The following SLC50A1 variants were observed in gnomAD, a reference collection of about 807,000 sequenced individuals.
The protein encoded by SLC50A1 is sugar transporter SWEET1.
A neutral mutation model predicts 28.9 loss-of-function variants in SLC50A1; 22 were observed. The ratio of observed to expected loss-of-function variants is 0.76; its 90% CI spans 0.54 to 1.09. The LOEUF is 1.09. SLC50A1 is among the 50% of genes least tolerant of loss of function. The pLI, the probability that SLC50A1 is intolerant of heterozygous loss-of-function variation, is 0.00. For synonymous variants in SLC50A1, 96 were observed against 110.6 expected, an observed-to-expected ratio of 0.87 and a Z score of 0.83; for missense variants, 233 against 273.4, an observed-to-expected ratio of 0.85 and a Z score of 1.04.
Position 155,135,866 on chromosome 1 carries a change from G to C in SLC50A1, c.-46G>C, listed in dbSNP as rs776289770. On this transcript the variant is annotated 5_prime_UTR_variant, in exon 1 of 6. Transcript: ENST00000368404. ...TGGGCTGCAGTAGGTCCCGGCAACC[G>C]CAGGCTCGCGGCGGGCGCTGGGCGC... 6.2e-7 allele frequency: 1 copy of C among 1,610,958 alleles called. No homozygotes were observed. The highest frequency in any genetic ancestry group is 1.3e-5 in the African/African-American group (1 of 74,882).
chr1:155,137,450 GCC>G (rs1664551420), intron 3 of SLC50A1, 109 bp from the exon 4 acceptor site: 4 of 1,331,160 alleles, frequency 3.0e-6, no homozygotes, highest in Non-Finnish European at 4.2e-6. Flanking sequence ...AGTGCTGGAG[GCC>G]TAGACAGCTT....
At chr1:155,135,767 AGTTT>A, upstream of SLC50A1, 1 of 1,550,412 alleles carries the variant, frequency 6.4e-7, no homozygotes, top group Non-Finnish European at 8.7e-7. Flanking sequence ...GCTTCGGCGC[AGTTT>A]CCGGAGGGAC....
rs1367569864 is a variant in SLC50A1 at position 155,137,556 on chromosome 1, T to G, written c.283-5T>G. 1 of 1,613,780 alleles carries G rather than the reference T, an allele frequency of 6.2e-7. No individual in the cohort carries two copies. Among genetic ancestry groups the G allele is most frequent in the Admixed American group, 1.7e-5 (1 of 59,986 alleles). On this transcript the variant is annotated splice_polypyrimidine_tract_variant and splice_region_variant and intron_variant, in intron 3 of 5. Transcript: ENST00000368404. ...CTGGAAGTAAGGGTACTCTCTCCCC[T>G]GCAGCGTGTTGTGCTCCTACAGACT...
intron 1 of SLC50A1, 59 bp downstream of exon 1, chr1:155,136,050 G>C: frequency 6.3e-7 from 1 of 1,587,940 alleles, no homozygotes; most frequent in Non-Finnish European, 8.6e-7. Flanking sequence ...GGAGAGAGAG[G>C]GGACAGAGAC....
At chr1:155,137,529 A>G in intron 3 of SLC50A1, 32 bp from the exon 4 acceptor site, 3 of 1,612,914 alleles carry the variant, frequency 1.9e-6, no homozygotes, top group Non-Finnish European at 2.5e-6. Context: ...CAGAGTGCAC[A>G]TCTGGAAGTA....
Position 155,137,609 on chromosome 1 carries a change from G to A in SLC50A1, c.331G>A (p.Gly111Ser), listed in dbSNP as rs1223862630. 1.9e-6 allele frequency: 3 copies of A among 1,614,068 alleles called. No individual in the cohort carries two copies. Among genetic ancestry groups the A allele is most frequent in the Admixed American group, 1.7e-5 (1 of 60,006 alleles). Residue 111 changes from glycine to serine, a missense_variant, in exon 4 of 6, where the codon GGT becomes AGT. Physicochemically the swap from Gly to Ser is moderately conservative, Grantham distance 56. Transcript: ENST00000368404. ...TATLLGVLLL[G>S]YGYFWLLVPN... ...AACCCTGCTAGGGGTCCTTCTCCTG[G>A]GTTATGGCTACTTTTGGCTCCTGGT...
chr1:155,135,895 A>C lies in SLC50A1; in HGVS notation c.-17A>C. 1.9e-6 allele frequency: 3 copies of C among 1,610,586 alleles called. No homozygotes were observed. Among genetic ancestry groups the C allele is most frequent in the Non-Finnish European group, 2.5e-6 (3 of 1,179,046 alleles). On this transcript the variant is annotated 5_prime_UTR_variant, in exon 1 of 6. Coordinates refer to ENST00000368404, the MANE Select transcript of SLC50A1 (RefSeq NM_018845.4). The stretch of plus-strand genomic sequence containing the variant: ...GCTCGCGGCGGGCGCTGGGCGCGGG[A>C]TCCGACTCTAGTCGTAATGGAGGCG...
intron 2 of SLC50A1, 79 bp from the exon 3 acceptor site, chr1:155,136,749 A>C (rs1437217159): frequency 1.3e-6 from 2 of 1,558,478 alleles, no homozygotes; most frequent in Admixed American, 3.9e-5. Flanking sequence ...TCTCAAAAAA[A>C]AAAAAAGAGT....
chr1:155,135,490 T>C (rs1175061195), upstream of SLC50A1: 9 of 1,203,334 alleles, frequency 7.5e-6, no homozygotes, highest in East Asian at 2.1e-4. Flanking sequence ...GAAAGCGTGC[T>C]GAAGTCTTGT....
At chr1:155,136,107 C>A in intron 1 of SLC50A1, 116 bp downstream of exon 1, 1 of 1,060,674 alleles carries the variant, frequency 9.4e-7, no homozygotes, top group East Asian at 6.1e-5. Context: ...AAAGTGGGAT[C>A]GGGTCGAGGG....
chr1:155,135,714 G>T (rs781229213), upstream of SLC50A1: 1 of 1,549,878 alleles, frequency 6.5e-7, no homozygotes, highest in African/African-American at 1.4e-5. Context: ...GCGCTCGGAG[G>T]AGAGGGGCGC....
chr1:155,138,062 C>T lies in SLC50A1; in HGVS notation c.528C>T (p.Cys176=), dbSNP rs1161028538. 33 of 1,614,148 alleles carry T rather than the reference C, an allele frequency of 2.0e-5. No individual in the cohort carries two copies. Among genetic ancestry groups the T allele is most frequent in the Non-Finnish European group, 2.7e-5 (32 of 1,180,036 alleles). Residue 176 remains cysteine, a synonymous_variant, in exon 5 of 6, where the codon TGC becomes TGT. Coordinates refer to ENST00000368404, the MANE Select transcript of SLC50A1 (RefSeq NM_018845.4). ...CCCTTCTCACCTCTGCCTCCTGGTG[C>T]CTCTATGGGTTTCGACTCAGAGATC... ...IATLLTSASW[C]LYGFRLRDPY... is the part of the protein sequence containing the mutation.
intron 4 of SLC50A1, 70 bp from the exon 5 acceptor site, chr1:155,137,909 A>C: frequency 6.2e-7 from 1 of 1,609,892 alleles, no homozygotes; most frequent in Non-Finnish European, 8.5e-7. Flanking sequence ...CTTTTTCTTG[A>C]GGAAATTCTT....
At chr1:155,135,842 G>A, upstream of SLC50A1, 4 of 1,603,754 alleles carry the variant, frequency 2.5e-6, no homozygotes, top group Non-Finnish European at 3.4e-6. Flanking sequence ...CCGCAGGTCT[G>A]GGCTGCAGTA....
intron 1 of SLC50A1, 33 bp from the exon 2 acceptor site, chr1:155,136,264 CCA>C: frequency 2.2e-6 from 3 of 1,368,976 alleles, no homozygotes; most frequent in Non-Finnish European, 3.1e-6. Context: ...TTCTCCCTTC[CCA>C]CCCCCACCCC....
At chr1:155,135,555 G>A (rs1664380191), upstream of SLC50A1, 9 of 1,535,826 alleles carry the variant, frequency 5.9e-6, no homozygotes, top group Non-Finnish European at 7.9e-6. Context: ...CAGGCCTGTG[G>A]GAACACGAGC....
In SLC50A1 at chr1:155,136,860, AGGGAGAC is replaced by A; in HGVS notation, c.196_202del (p.Asp66SerfsTer38). On this transcript the variant is annotated frameshift_variant, in exon 3 of 6. Coordinates refer to ENST00000368404, the MANE Select transcript of SLC50A1 (RefSeq NM_018845.4). LOFTEE classifies it high-confidence loss of function. ...GGCTGGCTGAGTTATGGGGCTTTGAAGGGAGACGGGATCCTCATCGTCGTCAACACAG... is the reference window on the plus strand; with the variant it reads ...GGCTGGCTGAGTTATGGGGCTTTGAAGGGATCCTCATCGTCGTCAACACAG... The A allele has an allele frequency of 6.2e-7, 1 of 1,614,122 alleles. No homozygotes were observed. Among genetic ancestry groups the A allele is most frequent in the Non-Finnish European group, 8.5e-7 (1 of 1,180,006 alleles).
Position 155,137,695 on chromosome 1 carries a change from C to T in SLC50A1, c.417C>T (p.Ser139=), listed in dbSNP as rs2102486173. 6.2e-7 allele frequency: 1 copy of T among 1,614,156 alleles called. No homozygotes were observed. Residue 139 remains serine, a synonymous_variant, in exon 4 of 6, where the codon AGC becomes AGT. Coordinates refer to ENST00000368404, the MANE Select transcript of SLC50A1 (RefSeq NM_018845.4). ...TCTTCTGCAGTGTCTTCACCATCAG[C>T]ATGTACCTCTCACCACTGGCTGACT... is the stretch of plus-strand genomic sequence containing the variant. The part of the protein sequence containing the change: ...LGLFCSVFTI[S]MYLSPLADLA...
Position 155,136,900 on chromosome 1 carries a change from TG to T in SLC50A1, c.232del (p.Ala78ArgfsTer28), listed in dbSNP as rs781393136. On this transcript the variant is annotated frameshift_variant, in exon 3 of 6. Transcript: ENST00000368404. LOFTEE classifies it high-confidence loss of function. The stretch of plus-strand genomic sequence containing the variant: ...TCATCGTCGTCAACACAGTGGGTGC[TG>T]CGCTTCAGACCCTGTATATCTTGGC... ...ILIVVNTVGA[A>X]LQTLYILAYL... 7.4e-6 allele frequency: 12 copies of T among 1,614,120 alleles called. No homozygotes were observed. The highest frequency in any genetic ancestry group is 1.0e-5 in the Non-Finnish European group (12 of 1,180,046).
Sources: allele counts gnomAD v4.1 joint callset, GRCh38; gene constraint gnomAD v4.1.1; transcripts MANE v1.5; gene names NCBI Gene and HGNC (gene_info 2026-07-23, HGNC 2026-07-21).